The following KCNG2 variants were observed in gnomAD, a reference collection of about 807,000 sequenced individuals.
KCNG2 encodes voltage-gated potassium channel regulatory subunit KCNG2.
Under a neutral mutation model 12.3 loss-of-function variants are expected in KCNG2, and 7 were observed. That is an observed-to-expected ratio of 0.57 (90% CI 0.32 to 1.07). KCNG2 has a LOEUF of 1.07. Among genes scored for constraint, KCNG2 ranks in the 50% least tolerant of loss-of-function variants. KCNG2 has a pLI of 0.04. For missense variants in KCNG2, 703 were observed against 726.0 expected (o/e 0.97, Z 0.36); for synonymous variants, 414 against 351.4 (o/e 1.18, Z -1.99).
Position 79,899,131 on chromosome 18 carries a change from AG to A in KCNG2, c.718del (p.Ala240ProfsTer59). 6.2e-7 allele frequency: 1 copy of A among 1,607,672 alleles called. No individual in the cohort carries two copies. The highest frequency in any genetic ancestry group is 8.5e-7 in the Non-Finnish European group (1 of 1,179,430). On this transcript the variant is annotated frameshift_variant, in exon 4 of 4. Coordinates refer to ENST00000316249, the MANE Select transcript of KCNG2 (RefSeq NM_012283.2). LOFTEE classifies it low-confidence loss of function (END_TRUNC). ...FSFEFLLRSL[Q>X]AESKCAFLRA... ...TTCGAGTTCCTGCTGCGCTCCCTGC[AG>A]GCCGAGAGCAAGTGCGCCTTCCTGC...
At chr18:79,856,095 C>T (rs961980511) in intron 1 of KCNG2, among the ~76,000 whole-genome samples, 8 of 152,220 alleles carry the variant, frequency 5.3e-5, no homozygotes, top group South Asian at 2.1e-4. Context: ...ATATAACTTA[C>T]GTCCATATTT....
chr18:79,899,288 TGCGCTGCGC>T lies in KCNG2; in HGVS notation c.875_883del (p.Ala292_Arg294del). 3.8e-6 allele frequency: 6 copies of T among 1,571,926 alleles called. No individual in the cohort carries two copies. The highest frequency in any genetic ancestry group is 5.1e-6 in the Non-Finnish European group (6 of 1,167,646). ...CGGGGCTGGTGCTGCGGCTGCTGCG[TGCGCTGCGC>T]GTGCTCTACGTGATGCGCCTGGCGC... On this transcript the variant is annotated inframe_deletion, in exon 4 of 4. Coordinates refer to ENST00000316249, the MANE Select transcript of KCNG2 (RefSeq NM_012283.2).
intron 1 of KCNG2, among the ~76,000 whole-genome samples, chr18:79,849,785 G>A (rs1978753142): frequency 6.6e-6 from 1 of 152,208 alleles, no homozygotes; most frequent in Non-Finnish European, 1.5e-5. Flanking sequence ...GAGCAGGAGC[G>A]CGTGGAAGAC....
chr18:79,833,651 C>T (rs1257098361), intron 1 of KCNG2, among the ~76,000 whole-genome samples: 4 of 152,216 alleles, frequency 2.6e-5, no homozygotes, highest in South Asian at 2.1e-4. Flanking sequence ...TTTGCTGCAA[C>T]GTCATTTCCA....
chr18:79,872,056 G>A (rs919952330), intron 3 of KCNG2, among the ~76,000 whole-genome samples: 1 of 152,170 alleles, frequency 6.6e-6, no homozygotes, highest in Non-Finnish European at 1.5e-5. Flanking sequence ...TGGCACCCCT[G>A]TGGAGGGATC....
At chr18:79,894,442 T>C (rs368966098) in intron 3 of KCNG2, among the ~76,000 whole-genome samples, 1 of 152,190 alleles carries the variant, frequency 6.6e-6, no homozygotes. Context: ...GTCGGGTCTG[T>C]GTCTGCTTTT....
intron 1 of KCNG2, among the ~76,000 whole-genome samples, chr18:79,841,533 G>T (rs372405786): frequency 1.3e-5 from 2 of 152,108 alleles, no homozygotes; most frequent in Non-Finnish European, 2.9e-5. Context: ...ATTAAAATGC[G>T]TTTAAAAACT....
intron 1 of KCNG2, among the ~76,000 whole-genome samples, chr18:79,798,723 C>T (rs931559788): frequency 3.9e-5 from 6 of 152,226 alleles, no homozygotes; most frequent in African/African-American, 1.2e-4. Flanking sequence ...AGCTCCCAGC[C>T]TTGCCCGCCG....
chr18:79,870,648 A>G (rs1383582567), intron 3 of KCNG2, among the ~76,000 whole-genome samples: 1 of 152,216 alleles, frequency 6.6e-6, no homozygotes, highest in Non-Finnish European at 1.5e-5. Context: ...GCTTCCTTGT[A>G]CATTCAGGCT....
At chr18:79,848,402 G>C (rs995622975) in intron 1 of KCNG2, among the ~76,000 whole-genome samples, 1 of 152,182 alleles carries the variant, frequency 6.6e-6, no homozygotes, top group African/African-American at 2.4e-5. Flanking sequence ...AGGGGCCTGC[G>C]TTGCCGCTCG....
chr18:79,865,461 G>A (rs1979453053), intron 3 of KCNG2, among the ~76,000 whole-genome samples: 1 of 135,032 alleles, frequency 7.4e-6, no homozygotes, highest in Non-Finnish European at 1.6e-5. Flanking sequence ...TCTGGGTGCT[G>A]AGAGGTCTGG....
At chr18:79,850,391 T>C (rs1359092765) in intron 1 of KCNG2, among the ~76,000 whole-genome samples, 1 of 152,262 alleles carries the variant, frequency 6.6e-6, no homozygotes, top group Non-Finnish European at 1.5e-5. Context: ...ACTCTTTCAG[T>C]TCTTTAGCAA....
In KCNG2 at chr18:79,818,177, C is replaced by T. The variant is rs534329147; in HGVS notation, c.-115+20163C>T. On this transcript the variant is annotated intron_variant, in intron 1 of 3. Coordinates refer to ENST00000316249, the MANE Select transcript of KCNG2 (RefSeq NM_012283.2). The stretch of plus-strand genomic sequence containing the variant: ...TCCATGTGTGGCTGCTGTGGCCACC[C>T]GGGAGAGGCAATGCGATCTAATAAG... Among the ~76,000 whole-genome samples the T allele has an allele frequency of 7.7e-4, 118 of 152,306 alleles. 1 individual carries two copies. In the South Asian group the frequency reaches 0.015, roughly 20 times the overall value.
At chr18:79,898,740 T>C (rs1374699352) in intron 3 of KCNG2, among the ~76,000 whole-genome samples, 1 of 152,266 alleles carries the variant, frequency 6.6e-6, no homozygotes, top group Non-Finnish European at 1.5e-5. Context: ...TGCTGTTTGC[T>C]CTTAAGACCA....
intron 3 of KCNG2, among the ~76,000 whole-genome samples, chr18:79,870,054 G>A (rs1160420860): frequency 1.3e-5 from 2 of 152,202 alleles, no homozygotes; most frequent in African/African-American, 2.4e-5. Context: ...CCTGGGGGTG[G>A]GCACCGCTCG....
chr18:79,828,035 T>G (rs1303716738), intron 1 of KCNG2, among the ~76,000 whole-genome samples: 1 of 151,926 alleles, frequency 6.6e-6, no homozygotes, highest in Admixed American at 6.6e-5. Context: ...GTGATTCTTG[T>G]GCCTCAGCCT....
At chr18:79,845,051 C>T (rs7233691) in intron 1 of KCNG2, among the ~76,000 whole-genome samples, 1 of 152,206 alleles carries the variant, frequency 6.6e-6, no homozygotes, top group Non-Finnish European at 1.5e-5. Context: ...TAAACAAACT[C>T]TGGTGCATCC....
chr18:79,854,061 C>T (rs1311694282), intron 1 of KCNG2, among the ~76,000 whole-genome samples: 3 of 152,264 alleles, frequency 2.0e-5, no homozygotes, highest in Admixed American at 1.3e-4. Flanking sequence ...CCCCGTTCTG[C>T]AGGCGGCCCC....
chr18:79,854,915 G>A (rs1346214824), intron 1 of KCNG2, among the ~76,000 whole-genome samples: 2 of 152,136 alleles, frequency 1.3e-5, no homozygotes, highest in African/African-American at 4.8e-5. Flanking sequence ...TGTGGACCCC[G>A]ATGCCTCCAG....
Sources: allele counts gnomAD v4.1 joint callset (sites outside exome capture counted in the v4.1 genomes callset), GRCh38; gene constraint gnomAD v4.1.1; transcripts MANE v1.5; gene names NCBI Gene and HGNC (gene_info 2026-07-23, HGNC 2026-07-21).